Variants in SAMSN1 observed in about 807,000 individuals in gnomAD.
SAMSN1 encodes the protein SAM domain, SH3 domain and nuclear localization signals 1.
Under a neutral mutation model 42.0 loss-of-function variants are expected in SAMSN1, and 31 were observed. The observed-to-expected ratio is 0.74, with a 90% CI of 0.55 to 1.00. SAMSN1 has a LOEUF of 1.00. Among genes scored for constraint, SAMSN1 ranks in the 50% least tolerant of loss-of-function variants. The pLI is 0.00. For synonymous variants in SAMSN1, 178 were observed against 151.9 expected (o/e 1.17, Z -1.26); for missense variants, 464 against 439.4 (o/e 1.06, Z -0.50).
At chr21:14,638,289 A>G (rs1434512191) in intron 2 of SAMSN1, among the ~76,000 whole-genome samples, 6 of 152,236 alleles carry the variant, frequency 3.9e-5, no homozygotes, top group African/African-American at 1.4e-4. Flanking sequence ...AATCATCATT[A>G]CAAAATTATT....
intron 2 of SAMSN1, among the ~76,000 whole-genome samples, chr21:14,626,079 T>A (rs1983161528): frequency 6.6e-6 from 1 of 152,160 alleles, no homozygotes; most frequent in Admixed American, 6.6e-5. Context: ...TAGTCATATG[T>A]AGAAAGTTGA....
intron 2 of SAMSN1, among the ~76,000 whole-genome samples, chr21:14,627,370 A>G (rs765861306): frequency 2.6e-5 from 4 of 152,224 alleles, no homozygotes; most frequent in Non-Finnish European, 5.9e-5. Context: ...AAAGTCATAT[A>G]AACATTTAGT....
intron 2 of SAMSN1, among the ~76,000 whole-genome samples, chr21:14,519,658 G>C (rs1978332564): frequency 6.6e-6 from 1 of 151,808 alleles, no homozygotes; most frequent in African/African-American, 2.4e-5. Context: ...TAATAAAAGG[G>C]ATCATTACTG....
intron 2 of SAMSN1, among the ~76,000 whole-genome samples, chr21:14,519,892 T>C (rs1377092689): frequency 1.3e-5 from 2 of 152,156 alleles, no homozygotes; most frequent in African/African-American, 4.8e-5. Context: ...CCACTTAGCA[T>C]ATGTGGCCCC....
chr21:14,527,953 T>C (rs1223736748), intron 1 of SAMSN1, among the ~76,000 whole-genome samples: 1 of 152,138 alleles, frequency 6.6e-6, no homozygotes, highest in Non-Finnish European at 1.5e-5. Context: ...GAATAGAAAT[T>C]ATGATATTCT....
chr21:14,594,038 T>C (rs1982173875), exon 7 of SAMSN1: 1 of 715,688 alleles, frequency 1.4e-6, no homozygotes, highest in Non-Finnish European at 2.6e-6. Flanking sequence ...GGTCTCAACA[T>C]GTCTTTGATA....
At chr21:14,587,763 A>ATTTAT (rs1555840218), upstream of SAMSN1, among the ~76,000 whole-genome samples, 8 of 150,618 alleles carry the variant, frequency 5.3e-5, no homozygotes, top group East Asian at 3.9e-4. Flanking sequence ...TTATTTATTT[A>ATTTAT]TTTTTTAAAT....
In SAMSN1 at chr21:14,556,451, A is replaced by G. The variant is rs1600928192; in HGVS notation, c.261+25685T>C. Among the ~76,000 whole-genome samples, 3 of 152,350 alleles carry G rather than the reference A, an allele frequency of 2.0e-5. No individual in the cohort carries two copies. In the East Asian group the frequency reaches 5.8e-4, roughly 29 times the overall value. ...AAATCAAATTTCCTATGTATATTAC[A>G]TAAATCTGCATATATACTTAGGTAT... is the stretch of plus-strand genomic sequence containing the variant. On this transcript the variant is annotated intron_variant, in intron 2 of 8. Transcript: ENST00000285670.
chr21:14,528,036 A>G (rs1400943876), intron 1 of SAMSN1, among the ~76,000 whole-genome samples: 1 of 152,144 alleles, frequency 6.6e-6, no homozygotes, highest in Non-Finnish European at 1.5e-5. Context: ...ATACTGTTAC[A>G]TGTTTTAAAT....
At chr21:14,597,034 T>C (rs1982287322) in intron 6 of SAMSN1, among the ~76,000 whole-genome samples, 1 of 152,178 alleles carries the variant, frequency 6.6e-6, no homozygotes, top group African/African-American at 2.4e-5. Flanking sequence ...CATTGATCAA[T>C]ACACAATATC....
At chr21:14,617,089 G>A (rs1982857414) in intron 2 of SAMSN1, among the ~76,000 whole-genome samples, 1 of 152,132 alleles carries the variant, frequency 6.6e-6, no homozygotes, top group Admixed American at 6.6e-5. Flanking sequence ...CCCTGAACTC[G>A]AGGAGCACAT....
At chr21:14,601,005 CA>C (rs1982414499) in intron 6 of SAMSN1, among the ~76,000 whole-genome samples, 1 of 152,256 alleles carries the variant, frequency 6.6e-6, no homozygotes, top group African/African-American at 2.4e-5. Flanking sequence ...CACTGAATCC[CA>C]TGAAAGTACT....
chr21:14,509,088 C>G (rs1987558296), intron 5 of SAMSN1, among the ~76,000 whole-genome samples: 1 of 150,938 alleles, frequency 6.6e-6, no homozygotes, highest in Non-Finnish European at 1.5e-5. Context: ...TGCACTCCAG[C>G]CTGGTGACAG....
At chr21:14,630,385 C>CTTT (rs59632143) in intron 2 of SAMSN1, among the ~76,000 whole-genome samples, 4 of 142,222 alleles carry the variant, frequency 2.8e-5, no homozygotes, top group African/African-American at 1.0e-4. Flanking sequence ...TGCTTTACAG[C>CTTT]TTTTTTTTTT....
At chr21:14,653,297 G>A (rs1022874977) in intron 1 of SAMSN1, among the ~76,000 whole-genome samples, 3 of 151,922 alleles carry the variant, frequency 2.0e-5, no homozygotes, top group African/African-American at 7.2e-5. Flanking sequence ...TATACACAAT[G>A]GAGTATGGTT....
At chr21:14,491,634 A>G (rs75439303) in intron 7 of SAMSN1, among the ~76,000 whole-genome samples, 4,442 of 152,228 alleles carry the variant, frequency 0.029, 225 homozygotes, top group African/African-American at 0.1. Flanking sequence ...ACAACTTATT[A>G]TTCTTTGTCT....
chr21:14,581,344 CTTTTTTTT>C (rs56728511), intron 2 of SAMSN1, among the ~76,000 whole-genome samples: 37 of 32,592 alleles, frequency 1.1e-3, no homozygotes, highest in East Asian at 6.5e-3. Context: ...AATAATATTT[CTTTTTTTT>C]TTTTTTTTTT....
chr21:14,606,803 T>C (rs1178149829), intron 5 of SAMSN1, among the ~76,000 whole-genome samples: 1 of 152,210 alleles, frequency 6.6e-6, no homozygotes. Context: ...AAAAATATTT[T>C]GCATCTGGAA....
At chr21:14,560,506 C>A (rs938503740) in intron 2 of SAMSN1, among the ~76,000 whole-genome samples, 4 of 152,120 alleles carry the variant, frequency 2.6e-5, no homozygotes, top group African/African-American at 9.7e-5. Flanking sequence ...TAACATTATG[C>A]AGACAGGAGA....
Sources: allele counts gnomAD v4.1 joint callset (sites outside exome capture counted in the v4.1 genomes callset), GRCh38; gene constraint gnomAD v4.1.1; transcripts MANE v1.5; gene names NCBI Gene and HGNC (gene_info 2026-07-23, HGNC 2026-07-21).